The following TTC23L variants were observed in gnomAD, a reference collection of about 807,000 sequenced individuals.
TTC23L encodes the protein tetratricopeptide repeat protein 23-like.
A neutral mutation model predicts 48.1 loss-of-function variants in TTC23L; 42 were observed. The observed-to-expected ratio is 0.87, with a 90% confidence interval of 0.68 to 1.13. The LOEUF is 1.13. Ranked by LOEUF, TTC23L falls within the 50% of genes most tolerant of loss-of-function variation. The pLI is 0.00. For synonymous variants in TTC23L, 159 were observed against 157.2 expected (o/e 1.01, Z -0.09); for missense variants, 391 against 421.0 (o/e 0.93, Z 0.62).
At chr5:34,888,492 A>C in intron 9 of TTC23L, 7 of 985,284 alleles carry the variant, frequency 7.1e-6, no homozygotes, top group Non-Finnish European at 8.4e-6. Context: ...GGAGGTGAAC[A>C]CAGTAGAAGT....
rs77793555 is a variant in TTC23L at position 34,850,284 on chromosome 5, G to A, written c.355G>A (p.Ala119Thr). 2.8e-3 allele frequency: 4,599 copies of A among 1,613,854 alleles called. 103 individuals are homozygous for A. In the East Asian group the frequency reaches 0.043, roughly 15 times the overall value. The stretch of plus-strand genomic sequence containing the variant: ...ATGTGCACGAGCTCTGGCCAACCTA[G>A]CTTATGGCTACTTGACACTGAGAGG... Residue 119 changes from alanine (A) to threonine (T), a missense_variant, in exon 4 of 11, where the codon GCT becomes ACT. Ala to Thr is a moderately conservative substitution (Grantham distance 58). Transcript: ENST00000505624.
intron 4 of TTC23L, among the ~76,000 whole-genome samples, chr5:34,859,354 C>T (rs1381059946): frequency 1.3e-5 from 2 of 152,276 alleles, no homozygotes; most frequent in East Asian, 3.9e-4. Flanking sequence ...TTTCTGTGAC[C>T]TAACTAGTGA....
At position 34,863,504 on chromosome 5, in the gene TTC23L, G is replaced by T. The variant is rs1438777419; in HGVS notation, c.536+450G>T. On this transcript the variant is annotated intron_variant, in intron 5 of 10. Transcript: ENST00000505624. This position sits in a 1 kb window ranked among gnomAD's most constrained non-coding sequence, Gnocchi z 4.1. ...TTCTGCTGTCTGTTCCTGCCCCAAAGATTTTGACTGAGAGGCTCTGAGGTA... is the reference window on the plus strand; with the variant it reads ...TTCTGCTGTCTGTTCCTGCCCCAAATATTTTGACTGAGAGGCTCTGAGGTA... Among the ~76,000 whole-genome samples, 1 of 152,166 alleles carries T rather than the reference G, an allele frequency of 6.6e-6. No individual in the cohort carries two copies.
At chr5:34,915,515 C>G in the TTC23L span, 1 of 488,630 alleles carries the variant, frequency 2.0e-6, no homozygotes, top group Non-Finnish European at 3.5e-6. Context: ...GAAGCCAGTC[C>G]CGCCACTCTT....
intron 3 of TTC23L, among the ~76,000 whole-genome samples, chr5:34,848,531 G>A (rs1759402755): frequency 6.6e-6 from 1 of 152,172 alleles, no homozygotes; most frequent in African/African-American, 2.4e-5. Flanking sequence ...TTAGATAGAA[G>A]TAAGTACTAT....
At chr5:34,866,526 T>C (rs923602655) in intron 6 of TTC23L, among the ~76,000 whole-genome samples, 2 of 152,200 alleles carry the variant, frequency 1.3e-5, no homozygotes, top group African/African-American at 2.4e-5. Flanking sequence ...GCAAAAACTT[T>C]CTTTGGCCTG....
At chr5:34,913,762 G>C in the TTC23L span, 2 of 570,528 alleles carry the variant, frequency 3.5e-6, no homozygotes, top group Non-Finnish European at 6.3e-6. Context: ...TCCATTCCTG[G>C]ATCTAAAACT....
intron 9 of TTC23L, among the ~76,000 whole-genome samples, chr5:34,882,006 G>A (rs901156873): frequency 9.9e-5 from 15 of 151,976 alleles, no homozygotes; most frequent in African/African-American, 2.2e-4. Flanking sequence ...CGCCCGCCTC[G>A]GCCTCCCAAA....
the TTC23L span, among the ~76,000 whole-genome samples, chr5:34,924,684 A>C: frequency 6.6e-6 from 1 of 152,198 alleles, no homozygotes; most frequent in Non-Finnish European, 1.5e-5. Flanking sequence ...GTACTAATAG[A>C]TTTCAGAAAA....
At chr5:34,892,111 C>T (rs1199833957) in intron 9 of TTC23L, among the ~76,000 whole-genome samples, 1 of 152,322 alleles carries the variant, frequency 6.6e-6, no homozygotes, top group South Asian at 2.1e-4. Context: ...CCTGGTACAA[C>T]GATTGCTGTC....
chr5:34,872,410 C>T (rs1761530246), intron 8 of TTC23L, among the ~76,000 whole-genome samples: 2 of 152,044 alleles, frequency 1.3e-5, no homozygotes, highest in South Asian at 4.1e-4. Flanking sequence ...AATGATAACA[C>T]CAGGATTGAT....
chr5:34,845,386 A>G lies in TTC23L; in HGVS notation c.69-101A>G, dbSNP rs180675738. On this transcript the variant is annotated intron_variant, in intron 2 of 10. Coordinates refer to ENST00000505624, the Ensembl canonical transcript of TTC23L. ...TTCCTTCCGGTTTATGTTAGAAATC[A>G]TGTCCCTATCCCCTAGTTGGGAGAG... 1.4e-5 allele frequency: 17 copies of G among 1,221,594 alleles called. No individual in the cohort carries two copies. In the East Asian group the frequency reaches 3.6e-4, roughly 26 times the overall value. The allele number at this position is 1,221,594 out of a possible 1,614,324, so 75.7% of individuals were successfully genotyped here.
chr5:34,881,289 G>A (rs1762208388), intron 9 of TTC23L, among the ~76,000 whole-genome samples: 1 of 152,088 alleles, frequency 6.6e-6, no homozygotes, highest in Non-Finnish European at 1.5e-5. Flanking sequence ...GTTTTTATTA[G>A]CCACAATCTT....
chr5:34,918,857 A>C, the TTC23L span: 1 of 141,522 alleles, frequency 7.1e-6, no homozygotes, highest in Admixed American at 7.5e-5. Flanking sequence ...TGAAAAATGG[A>C]CCTGGGATAG....
intron 4 of TTC23L, among the ~76,000 whole-genome samples, chr5:34,851,249 G>A (rs988506362): frequency 6.6e-6 from 1 of 152,132 alleles, no homozygotes; most frequent in Admixed American, 6.5e-5. Context: ...CAAATTAAAT[G>A]CTTTATGGGC....
intron 9 of TTC23L, among the ~76,000 whole-genome samples, chr5:34,891,862 A>G (rs1762886543): frequency 6.6e-6 from 1 of 152,202 alleles, no homozygotes; most frequent in East Asian, 1.9e-4. Context: ...AAATTAGGAG[A>G]TCTAATTCAG....
chr5:34,915,710 G>A, the TTC23L span: 2 of 1,576,170 alleles, frequency 1.3e-6, no homozygotes, highest in African/African-American at 1.4e-5. Context: ...CGCCGGAAAG[G>A]AGGCCAAGAG....
intron 9 of TTC23L, among the ~76,000 whole-genome samples, chr5:34,891,441 C>T (rs1309901843): frequency 6.6e-6 from 1 of 152,160 alleles, no homozygotes; most frequent in Non-Finnish European, 1.5e-5. Flanking sequence ...CAGTGCCTGG[C>T]AGAGTATGCG....
chr5:34,847,880 G>C (rs894371264), intron 3 of TTC23L, among the ~76,000 whole-genome samples: 1 of 152,188 alleles, frequency 6.6e-6, no homozygotes, highest in Non-Finnish European at 1.5e-5. Flanking sequence ...TCAGTAAGGA[G>C]TGTATTCCTT....
Sources: allele counts gnomAD v4.1 joint callset (sites outside exome capture counted in the v4.1 genomes callset), GRCh38; gene constraint gnomAD v4.1.1; non-coding constraint Gnocchi (gnomAD v3.1); transcripts MANE v1.5; gene names NCBI Gene and HGNC (gene_info 2026-07-23, HGNC 2026-07-21).